The following MITD1 variants were observed in gnomAD, a reference collection of about 807,000 sequenced individuals.
MITD1 encodes microtubule interacting and trafficking domain containing 1, also known as MIT domain-containing protein 1.
Under a neutral mutation model 34.9 loss-of-function variants are expected in MITD1, and 24 were observed. The ratio of observed to expected loss-of-function variants is 0.69; its 90% CI spans 0.50 to 0.97. MITD1 has a LOEUF of 0.97. Ranked by LOEUF, MITD1 falls within the 50% of genes least tolerant of loss-of-function variation. MITD1 has a pLI of 0.00. For synonymous variants in MITD1, 102 were observed against 101.4 expected, an observed-to-expected ratio of 1.01 and a Z score of -0.04; for missense variants, 266 against 294.6, an observed-to-expected ratio of 0.90 and a Z score of 0.71.
At chr2:99,166,483 T>TACG (rs2093827190), downstream of MITD1, among the ~76,000 whole-genome samples, 1 of 28,842 alleles carries the variant, frequency 3.5e-5, no homozygotes, top group Admixed American at 3.7e-4. Flanking sequence ...GGTGAGGAAA[T>TACG]AAGAAAAAAA....
At position 99,170,600 on chromosome 2, in the gene MITD1, A is replaced by G; in HGVS notation, c.530T>C (p.Leu177Pro). Reference protein sequence around the residue: ...SRGLQEIEESLRSHGVLLEVQ... With the variant: ...SRGLQEIEESPRSHGVLLEVQ... ...TTCCAACAGCACTCCGTGACTCCTG[A>G]GTGACTCTTCTATTTCTTGCAGGCC... Residue 177 changes from leucine (L) to proline (P), a missense_variant, in exon 5 of 7, where the codon CTC becomes CCC. Coordinates refer to ENST00000289359, the MANE Select transcript of MITD1 (RefSeq NM_138798.3). The G allele has an allele frequency of 1.2e-6, 2 of 1,609,710 alleles. No homozygotes were observed. Among genetic ancestry groups the G allele is most frequent in the Non-Finnish European group, 1.7e-6 (2 of 1,176,566 alleles).
At chr2:99,166,858 AATATATATAT>A (rs10584187), downstream of MITD1, among the ~76,000 whole-genome samples, 3,979 of 115,328 alleles carry the variant, frequency 0.035, 102 homozygotes, top group South Asian at 0.045. Context: ...TGGGGTTTTA[AATATATATAT>A]ATATATATAT....
At chr2:99,166,834 C>T (rs1163717656), downstream of MITD1, among the ~76,000 whole-genome samples, 1 of 141,926 alleles carries the variant, frequency 7.0e-6, no homozygotes, top group African/African-American at 2.6e-5. Flanking sequence ...TTCTGTTATA[C>T]TCAGTTCATT....
At chr2:99,172,119 A>G (rs7572660) in intron 2 of MITD1, 91,713 of 153,344 alleles carry the variant, frequency 0.6, 28,229 homozygotes, top group East Asian at 0.88. Context: ...AGAGCGCGGT[A>G]GCTCACGCCT....
Position 99,171,347 on chromosome 2 carries a change from T to C in MITD1, c.473A>G (p.Asp158Gly). The C allele has an allele frequency of 6.2e-7, 1 of 1,608,358 alleles. No homozygotes were observed. The highest frequency in any genetic ancestry group is 8.5e-7 in the Non-Finnish European group (1 of 1,176,736). ...VKTIHLLTSLDEGIEQVQQSR... is the reference protein window; with the variant it reads ...VKTIHLLTSLGEGIEQVQQSR... Reference sequence around the variant, plus strand: ...TAAGTGCTTTCAGGTACCTACTTCATCCAGAGAGGTGAGAAGGTGAATAGT... The same window carrying C: ...TAAGTGCTTTCAGGTACCTACTTCACCCAGAGAGGTGAGAAGGTGAATAGT... Residue 158 changes from aspartate (D) to glycine (G), a missense_variant, in exon 4 of 7, where the codon GAT becomes GGT. Asp to Gly is a moderately conservative substitution (Grantham distance 94, BLOSUM62 -1). Coordinates refer to ENST00000289359, the MANE Select transcript of MITD1 (RefSeq NM_138798.3).
chr2:99,169,586 C>G lies in MITD1; in HGVS notation c.618G>C (p.Lys206Asn). The change falls in exon 6 of 7, where the codon AAG becomes AAC. Residue 206 changes from lysine to asparagine, a missense_variant. Transcript: ENST00000289359. ...EIRFNNGWMI[K>N]IGRGLDYFKK... ...TAAAATAATCAAGTCCCCTTCCAATCTTAATCATCCATCCATTGTTGAACC... is the reference window on the plus strand; with the variant it reads ...TAAAATAATCAAGTCCCCTTCCAATGTTAATCATCCATCCATTGTTGAACC... 1 of 1,608,358 alleles carries G rather than the reference C, an allele frequency of 6.2e-7. No individual in the cohort carries two copies. The highest frequency in any genetic ancestry group is 8.5e-7 in the Non-Finnish European group (1 of 1,174,904).
chr2:99,177,017 C>T (rs991118027), intron 1 of MITD1, among the ~76,000 whole-genome samples: 1 of 152,088 alleles, frequency 6.6e-6, no homozygotes, highest in African/African-American at 2.4e-5. Flanking sequence ...ATACATACAT[C>T]TATATGTATT....
chr2:99,173,626 C>G, intron 2 of MITD1: 1 of 470,634 alleles, frequency 2.1e-6, no homozygotes, highest in South Asian at 1.9e-5. Flanking sequence ...ATTTGTGAAC[C>G]CCTTAAAAAT....
intron 7 of MITD1, among the ~76,000 whole-genome samples, chr2:99,164,137 C>G (rs1031973488): frequency 6.6e-6 from 1 of 152,144 alleles, no homozygotes; most frequent in African/African-American, 2.4e-5. Context: ...TATCTTTCTG[C>G]TGGTGTCAGA....
At chr2:99,175,078 A>G (rs1655519297) in intron 1 of MITD1, among the ~76,000 whole-genome samples, 1 of 152,212 alleles carries the variant, frequency 6.6e-6, no homozygotes, top group Admixed American at 6.6e-5. Context: ...TTAATTTTTT[A>G]TATTTACAGA....
At position 99,163,010 on chromosome 2, in the gene MITD1, A is replaced by G. The variant is rs373794530; in HGVS notation, c.*4-792T>C. 6.0e-5 allele frequency: 96 copies of G among 1,609,526 alleles called. No homozygotes were observed. In the African/African-American group the frequency reaches 8.8e-4, roughly 15 times the overall value. ...TGCTAACAAATATATTACTTAGAAC[A>G]TGTCCACAAGACCACAAACTAAACA... On this transcript the variant is annotated intron_variant, in intron 7 of 7. Coordinates refer to the MITD1 transcript ENST00000422537.
downstream of MITD1, among the ~76,000 whole-genome samples, chr2:99,164,832 C>T (rs576785576): frequency 6.6e-6 from 1 of 151,282 alleles, no homozygotes; most frequent in African/African-American, 2.4e-5. Context: ...TGCTTTGGTG[C>T]AGTAATACCA....
At chr2:99,162,723 T>A (rs776401010) in intron 7 of MITD1, 1 of 1,614,212 alleles carries the variant, frequency 6.2e-7, no homozygotes, top group South Asian at 1.1e-5. Flanking sequence ...TGAGACACTG[T>A]TTCCTGGAAT....
At chr2:99,174,227 T>A in intron 1 of MITD1, among the ~76,000 whole-genome samples, 1 of 152,072 alleles carries the variant, frequency 6.6e-6, no homozygotes, top group Non-Finnish European at 1.5e-5. Flanking sequence ...GGTTTAGGAG[T>A]GGGAGCTCTT....
intron 1 of MITD1, among the ~76,000 whole-genome samples, chr2:99,176,647 C>T (rs1182533707): frequency 2.0e-5 from 3 of 151,560 alleles, no homozygotes; most frequent in Non-Finnish European, 4.4e-5. Context: ...TTTCTTAAAA[C>T]ATTATGAGGG....
At chr2:99,179,302 G>C (rs557985025) in intron 1 of MITD1, among the ~76,000 whole-genome samples, 1 of 152,172 alleles carries the variant, frequency 6.6e-6, no homozygotes, top group Non-Finnish European at 1.5e-5. Context: ...TACCAGAGTC[G>C]TTGGGGCCTT....
chr2:99,164,539 TC>T (rs974469918), downstream of MITD1, among the ~76,000 whole-genome samples: 7 of 97,582 alleles, frequency 7.2e-5, no homozygotes, highest in Non-Finnish European at 1.5e-4. Flanking sequence ...CCAGGCCCCA[TC>T]CTTTTTTTAT....
rs199642182 is a variant in MITD1 at position 99,180,955 on chromosome 2, G to C, written c.27C>G (p.Asp9Glu). The C allele has an allele frequency of 1.9e-6, 3 of 1,613,782 alleles. No individual in the cohort carries two copies. The highest frequency in any genetic ancestry group is 2.5e-6 in the Non-Finnish European group (3 of 1,179,924). The change falls in exon 1 of 7, where the codon GAC becomes GAG. Residue 9 changes from aspartate to glutamate, a missense_variant. Physicochemically the swap from Asp to Glu is conservative, Grantham distance 45. Coordinates refer to ENST00000289359, the MANE Select transcript of MITD1 (RefSeq NM_138798.3). Reference protein sequence around the residue: MAKSGLRQDPQSTAAATVL... With the variant: MAKSGLRQEPQSTAAATVL... ...CAGTGGCTGCAGCTGTGCTCTGCGGGTCCTGCCTCAGCCCGGACTTCGCCA... is the reference window on the plus strand; with the variant it reads ...CAGTGGCTGCAGCTGTGCTCTGCGGCTCCTGCCTCAGCCCGGACTTCGCCA...
At chr2:99,162,549 C>T (rs775525668) in intron 7 of MITD1, 2 of 1,614,120 alleles carry the variant, frequency 1.2e-6, no homozygotes, top group South Asian at 2.2e-5. Flanking sequence ...GAGCCCTTAC[C>T]AAGGGATCAG....
Sources: allele counts gnomAD v4.1 joint callset (sites outside exome capture counted in the v4.1 genomes callset), GRCh38; gene constraint gnomAD v4.1.1; transcripts MANE v1.5; gene names NCBI Gene and HGNC (gene_info 2026-07-23, HGNC 2026-07-21).